Variants in CDHR1 observed in about 807,000 individuals in gnomAD.
CDHR1 encodes the protein cadherin related family member 1, also known as cadherin-related family member 1.
A neutral mutation model predicts 72.1 loss-of-function variants in CDHR1; 61 were observed. The observed-to-expected ratio is 0.85, with a 90% CI of 0.69 to 1.05. The LOEUF is 1.05. Ranked by LOEUF, CDHR1 falls within the 50% of genes least tolerant of loss-of-function variation. CDHR1 has a pLI of 0.00. For missense variants in CDHR1, 1,186 were observed against 1,115.7 expected (o/e 1.06, Z -0.90); for synonymous variants, 470 against 448.1 (o/e 1.05, Z -0.62).
Position 84,201,800 on chromosome 10 carries a change from C to G in CDHR1, c.526-7C>G, listed in dbSNP as rs190906755. 2.8e-3 allele frequency: 4,481 copies of G among 1,608,768 alleles called. 22 individuals are homozygous for G. Among genetic ancestry groups the G allele is most frequent in the South Asian group, 6.7e-3 (612 of 91,060 alleles). On this transcript the variant is annotated splice_polypyrimidine_tract_variant and splice_region_variant and intron_variant, in intron 6 of 16. Transcript: ENST00000623527. ...GCTGAGGTCCAGCTGCCCCCTAATT[C>G]TTATAGAACCTGCACTCCCCATTTG...
intron 4 of CDHR1, 127 bp from the exon 5 acceptor site, chr10:84,198,901 GAAGA>G: frequency 1.5e-6 from 1 of 655,908 alleles, no homozygotes; most frequent in East Asian, 2.8e-5. Flanking sequence ...ATAAAAGAAG[GAAGA>G]GAGAGAGAGA....
rs771316043 is a variant in CDHR1 at position 84,208,268 on chromosome 10, T to C, written c.1058T>C (p.Phe353Ser). The C allele has an allele frequency of 5.0e-6, 8 of 1,613,954 alleles. No homozygotes were observed. Among genetic ancestry groups the C allele is most frequent in the Admixed American group, 3.3e-5 (2 of 59,994 alleles). ...GACCTCAACAACCACCCGCCAACAT[T>C]CTATGGAGAGAGCGGACCCCAAAAC... ...IVDLNNHPPT[F>S]YGESGPQNRF... The change falls in exon 11 of 17, where the codon TTC (phenylalanine) becomes TCC (serine). Residue 353 changes from phenylalanine to serine, a missense_variant. By Grantham distance (155) the Phe-to-Ser change is radical (BLOSUM62 -2). Transcript: ENST00000623527.
chr10:84,205,764 C>T (rs1293664679), intron 9 of CDHR1, 63 bp from the exon 10 acceptor site: 37 of 1,121,678 alleles, frequency 3.3e-5, no homozygotes, highest in Non-Finnish European at 4.9e-5. Flanking sequence ...GATCCTGTGG[C>T]ACGACTCCCC....
chr10:84,211,149 G>A lies in CDHR1; in HGVS notation c.1469G>A (p.Ser490Asn). The part of the protein sequence containing the change: ...RIPENAPGGS[S>N]VVAVTAVDPD... ...CCTGAGAACGCCCCAGGGGGCTCCAGCGTGGTGGCTGTCACAGTGGGTTGG... is the reference window on the plus strand; with the variant it reads ...CCTGAGAACGCCCCAGGGGGCTCCAACGTGGTGGCTGTCACAGTGGGTTGG... Residue 490 changes from serine (S) to asparagine (N), a missense_variant, in exon 13 of 17, where the codon AGC becomes AAC. Transcript: ENST00000623527. 6.2e-7 allele frequency: 1 copy of A among 1,614,264 alleles called. No homozygotes were observed. The highest frequency in any genetic ancestry group is 8.5e-7 in the Non-Finnish European group (1 of 1,180,046).
intron 10 of CDHR1, among the ~76,000 whole-genome samples, chr10:84,206,973 G>C (rs187129263): frequency 6.6e-6 from 1 of 152,334 alleles, no homozygotes; most frequent in Non-Finnish European, 1.5e-5. Flanking sequence ...TTGAGGGAAA[G>C]GGATGGGAGA....
Position 84,202,980 on chromosome 10 carries a change from G to C in CDHR1, c.640G>C (p.Asp214His), listed in dbSNP as rs760209398. Reference sequence around the variant, plus strand: ...CCTGTGGCCTCCGATTCTTCTGCAGGATGGCGGTGGGAGGCTTCATGGGGC... The same window carrying C: ...CCTGTGGCCTCCGATTCTTCTGCAGCATGGCGGTGGGAGGCTTCATGGGGC... ...RTHYITVVAK[D>H]GGGRLHGADV... Residue 214 changes from aspartate (D) to histidine (H), a missense_variant and splice_region_variant, in exon 8 of 17, where the codon GAT (aspartate) becomes CAT (histidine). By Grantham distance (81) the Asp-to-His change is moderately conservative. Transcript: ENST00000623527. 18 of 1,614,196 alleles carry C rather than the reference G, an allele frequency of 1.1e-5. No homozygotes were observed. Among genetic ancestry groups the C allele is most frequent in the Non-Finnish European group, 1.4e-5 (16 of 1,180,040 alleles).
intron 3 of CDHR1, 70 bp downstream of exon 3, chr10:84,196,720 C>G: frequency 4.4e-6 from 7 of 1,574,038 alleles, no homozygotes; most frequent in Non-Finnish European, 6.1e-6. Context: ...TGAAGTTCCC[C>G]TGGAGCACAT....
rs2279229 is a variant in CDHR1 at position 84,218,389 on chromosome 10, G to C, written c.*3768G>C. 258,841 of 985,166 alleles carry C rather than the reference G, an allele frequency of 0.26. 39,147 individuals are homozygous for C. The highest frequency in any genetic ancestry group is 0.65 in the African/African-American group (37,404 of 57,254). The allele number at this position is 985,166 out of a possible 1,614,324, so 61.0% of individuals were successfully genotyped here. On this transcript the variant is annotated 3_prime_UTR_variant, in exon 17 of 17. Coordinates refer to ENST00000623527, the MANE Select transcript of CDHR1 (RefSeq NM_033100.4). ...GTACCCCTTTTGAGGCCTGAATGAG[G>C]TTCGGTTATTTATTCATTTCTCAAT... is the stretch of plus-strand genomic sequence containing the variant.
chr10:84,211,333 A>G (rs1234905343), intron 13 of CDHR1, among the ~76,000 whole-genome samples, 168 bp downstream of exon 13: 1 of 152,242 alleles, frequency 6.6e-6, no homozygotes. Context: ...TATGATGGGT[A>G]TTACAACACC....
At chr10:84,207,324 G>A (rs1842244620) in intron 10 of CDHR1, among the ~76,000 whole-genome samples, 1 of 152,118 alleles carries the variant, frequency 6.6e-6, no homozygotes, top group Admixed American at 6.5e-5. Flanking sequence ...AAGATGTAGA[G>A]AGCAGAGTCA....
chr10:84,212,542 G>A (rs1228243934), intron 15 of CDHR1, 135 bp downstream of exon 15: 12 of 714,944 alleles, frequency 1.7e-5, no homozygotes, highest in Non-Finnish European at 2.8e-5. Flanking sequence ...AAGACATTTT[G>A]TATATCCCCA....
chr10:84,197,559 A>C (rs1842049914), intron 3 of CDHR1, among the ~76,000 whole-genome samples: 1 of 152,108 alleles, frequency 6.6e-6, no homozygotes, highest in Non-Finnish European at 1.5e-5. Flanking sequence ...CTGAGTTTAT[A>C]AGAACCCCGG....
intron 13 of CDHR1, 124 bp downstream of exon 13, chr10:84,211,289 A>G: frequency 1.0e-6 from 1 of 998,938 alleles, no homozygotes; most frequent in South Asian, 1.5e-5. Flanking sequence ...TGGACAAGCT[A>G]CTTGCCCTCT....
chr10:84,210,780 T>A lies in CDHR1; in HGVS notation c.1321-221T>A, dbSNP rs75635239. Among the ~76,000 whole-genome samples, 165 of 152,174 alleles carry A rather than the reference T, an allele frequency of 1.1e-3. 6 individuals carry two copies. In the East Asian group the frequency reaches 0.027, roughly 25 times the overall value. ...CAAAATAAACTGACCCCAATACAGATGGGAATGATAAGAAAGCTAGCATTA... is the reference window on the plus strand; with the variant it reads ...CAAAATAAACTGACCCCAATACAGAAGGGAATGATAAGAAAGCTAGCATTA... On this transcript the variant is annotated intron_variant, in intron 12 of 16. Coordinates refer to ENST00000623527, the MANE Select transcript of CDHR1 (RefSeq NM_033100.4).
chr10:84,217,924 CT>C lies in CDHR1; in HGVS notation c.*3304del. ...CTTGTGGCACTCTGTCCTCAAGCAG[CT>C]GTCCCTCAGAATCCTGCTAGAAAAG... On this transcript the variant is annotated 3_prime_UTR_variant, in exon 17 of 17. Coordinates refer to ENST00000623527, the MANE Select transcript of CDHR1 (RefSeq NM_033100.4). 1.0e-6 allele frequency: 1 copy of C among 985,482 alleles called. No individual in the cohort carries two copies. The highest frequency in any genetic ancestry group is 1.2e-6 in the Non-Finnish European group (1 of 829,954). The allele number at this position is 985,482 out of a possible 1,614,324, so 61.0% of individuals were successfully genotyped here. A position where few individuals can be genotyped will look rare whatever the true frequency, so the allele number is the denominator to read the frequency against.
downstream of CDHR1, chr10:84,219,054 G>T: frequency 2.4e-6 from 2 of 816,476 alleles, no homozygotes; most frequent in Middle Eastern, 4.7e-4. Context: ...GAACACTAAT[G>T]TACTATTATT....
chr10:84,214,839 T>G lies in CDHR1; in HGVS notation c.*218T>G, dbSNP rs1199185557. The stretch of plus-strand genomic sequence containing the variant: ...CAGGGCCTTGGGCAAGACATTGGGC[T>G]CTAGGATGCAATTGGCAAATACGTC... On this transcript the variant is annotated 3_prime_UTR_variant, in exon 17 of 17. Transcript: ENST00000623527. 6.8e-7 allele frequency: 1 copy of G among 1,467,762 alleles called. No individual in the cohort carries two copies. 90.9% of individuals were successfully genotyped at this position (1,467,762 alleles called of 1,614,324 possible).
Position 84,198,982 on chromosome 10 carries a change from C to T in CDHR1, c.349-50C>T, listed in dbSNP as rs977393364. On this transcript the variant is annotated intron_variant, in intron 4 of 16. Coordinates refer to ENST00000623527, the MANE Select transcript of CDHR1 (RefSeq NM_033100.4). The stretch of plus-strand genomic sequence containing the variant: ...TGATAGAGGTCGCTATCCATTCATC[C>T]TTCAGAAGGTCTCATTGCACTGGCT... 3.7e-5 allele frequency: 52 copies of T among 1,390,250 alleles called. No individual in the cohort carries two copies. In the East Asian group the frequency reaches 9.0e-4, roughly 24 times the overall value. 86.1% of individuals were successfully genotyped at this position (1,390,250 alleles called of 1,614,324 possible).
At chr10:84,210,468 T>C (rs964719581) in intron 12 of CDHR1, among the ~76,000 whole-genome samples, 6 of 152,156 alleles carry the variant, frequency 3.9e-5, no homozygotes, top group Non-Finnish European at 5.9e-5. Context: ...GGTTTCACCA[T>C]GTTGGCCAGG....
Sources: allele counts gnomAD v4.1 joint callset (sites outside exome capture counted in the v4.1 genomes callset), GRCh38; gene constraint gnomAD v4.1.1; transcripts MANE v1.5; gene names NCBI Gene and HGNC (gene_info 2026-07-23, HGNC 2026-07-21).